The following EMC7 variants were observed in gnomAD, a reference collection of about 807,000 sequenced individuals.
EMC7 encodes the protein ER membrane protein complex subunit 7.
A neutral mutation model predicts 24.4 loss-of-function variants in EMC7; 4 were observed. That is an observed-to-expected ratio of 0.16 (90% CI 0.08 to 0.38). The LOEUF (loss-of-function observed/expected upper bound fraction) is 0.38. Among genes scored for constraint, EMC7 ranks in the 10% least tolerant of loss-of-function variants. The probability of loss-of-function intolerance (pLI) is 1.00; values close to 1 mark genes in which losing one functional copy is unlikely to be tolerated. For missense variants in EMC7, 221 were observed against 300.6 expected (o/e 0.74, Z 1.96); for synonymous variants, 106 against 112.0 (o/e 0.95, Z 0.34).
At chr15:34,096,873 G>A (rs146669898) in intron 1 of EMC7, among the ~76,000 whole-genome samples, 9 of 151,680 alleles carry the variant, frequency 5.9e-5, no homozygotes, top group African/African-American at 2.2e-4. Flanking sequence ...TGTAATCCCA[G>A]CTACTCGGGA....
chr15:34,087,124 C>A (rs932557549), intron 4 of EMC7, among the ~76,000 whole-genome samples: 2 of 152,180 alleles, frequency 1.3e-5, no homozygotes, highest in Non-Finnish European at 2.9e-5. Context: ...TTAACTGGGA[C>A]TGAGCCTACT....
At chr15:34,094,247 A>C (rs1901027175) in intron 2 of EMC7, among the ~76,000 whole-genome samples, 1 of 151,802 alleles carries the variant, frequency 6.6e-6, no homozygotes, top group African/African-American at 2.4e-5. Flanking sequence ...TCTACAAAAA[A>C]ATAAAAAAAT....
chr15:34,091,465 G>A (rs1900972678), intron 2 of EMC7, among the ~76,000 whole-genome samples: 1 of 152,156 alleles, frequency 6.6e-6, no homozygotes, highest in Admixed American at 6.5e-5. Context: ...CCAGGAATTT[G>A]GGAATTATAA....
At chr15:34,086,246 G>C in intron 4 of EMC7, 1 of 327,746 alleles carries the variant, frequency 3.1e-6, no homozygotes, top group South Asian at 3.0e-5. Flanking sequence ...GGTCTGACTG[G>C]TGCCAGATAA....
In EMC7 at chr15:34,090,395, T is replaced by C. The variant is rs1189326794; in HGVS notation, c.417A>G (p.Gln139=). ...AAGAAGGTGGACCTGAAGATTTCAT[T>C]TGGAGAGGATAGGGCAGTCTGACAA... ...SEVVRLPYPL[Q]MKSSGPPSYF... Residue 139 remains glutamine (Q), a synonymous_variant, in exon 3 of 5, where the codon CAA becomes CAG. Transcript: ENST00000256545. The C allele has an allele frequency of 6.2e-6, 10 of 1,613,976 alleles. No homozygotes were observed. Among genetic ancestry groups the C allele is most frequent in the East Asian group, 4.5e-5 (2 of 44,870 alleles).
intron 2 of EMC7, among the ~76,000 whole-genome samples, chr15:34,093,131 G>A (rs922542164): frequency 8.5e-5 from 13 of 152,060 alleles, no homozygotes; most frequent in Admixed American, 2.0e-4. Context: ...TTCGCACCAT[G>A]GTAAAGTCAA....
At chr15:34,093,823 A>ATTTTTTT (rs753095506) in intron 2 of EMC7, among the ~76,000 whole-genome samples, 37 of 48,690 alleles carry the variant, frequency 7.6e-4, no homozygotes, top group African/African-American at 3.2e-3. Context: ...ATATATATAT[A>ATTTTTTT]TTTTTTTTTT....
chr15:34,096,981 A>C (rs1159398507), intron 1 of EMC7, among the ~76,000 whole-genome samples: 3 of 151,350 alleles, frequency 2.0e-5, no homozygotes, highest in Non-Finnish European at 2.9e-5. Flanking sequence ...CCAACAAAAA[A>C]AAAAAAAGGC....
chr15:34,091,916 C>T (rs1200502750), intron 2 of EMC7, among the ~76,000 whole-genome samples: 1 of 152,202 alleles, frequency 6.6e-6, no homozygotes, highest in Non-Finnish European at 1.5e-5. Context: ...AATGTCAGAA[C>T]TGAAAATCCC....
chr15:34,101,608 G>A lies in EMC7; in HGVS notation c.232C>T (p.Leu78Phe), dbSNP rs759652763. 9.9e-6 allele frequency: 16 copies of A among 1,613,758 alleles called. No homozygotes were observed. Among genetic ancestry groups the A allele is most frequent in the East Asian group, 6.7e-5 (3 of 44,860 alleles). ...CGCTGCCCTCAGGATGCTCACTTAA[G>A]GAAACCGACGTGCTCTTCTCCGTCT... ...LVDGEEHVGF[L>F]KTDGSFVVHD... The change falls in exon 1 of 5, where the codon CTT (leucine) becomes TTT (phenylalanine). Residue 78 changes from leucine to phenylalanine, a missense_variant. By Grantham distance (22) the Leu-to-Phe change is conservative. Around this residue, in one of 2 missense-constraint regions of EMC7, gnomAD observed 156 missense variants for 177.1 expected, o/e 0.88. Coordinates refer to ENST00000256545, the MANE Select transcript of EMC7 (RefSeq NM_020154.3).
At chr15:34,092,614 G>A (rs900889637) in intron 2 of EMC7, among the ~76,000 whole-genome samples, 3 of 152,000 alleles carry the variant, frequency 2.0e-5, no homozygotes, top group African/African-American at 7.2e-5. Flanking sequence ...CCAAAGTGCT[G>A]GGATTACAGG....
intron 4 of EMC7, 79 bp downstream of exon 4, chr15:34,087,974 T>C: frequency 8.1e-7 from 1 of 1,237,248 alleles, no homozygotes; most frequent in Non-Finnish European, 1.1e-6. Flanking sequence ...AAACTGATTG[T>C]GCCACTGCAT....
intron 2 of EMC7, among the ~76,000 whole-genome samples, chr15:34,091,860 T>C (rs1383693483): frequency 1.3e-5 from 2 of 152,200 alleles, no homozygotes; most frequent in Non-Finnish European, 2.9e-5. Context: ...CATTTATTAA[T>C]AAAAGAAAAT....
At chr15:34,093,808 T>C (rs62014727) in intron 2 of EMC7, among the ~76,000 whole-genome samples, 2,444 of 6,120 alleles carry the variant, frequency 0.4, 151 homozygotes, top group African/African-American at 0.45. Flanking sequence ...CACACACACA[T>C]ATATATATAT....
chr15:34,087,512 T>C (rs75245134), intron 4 of EMC7, among the ~76,000 whole-genome samples: 1,974 of 152,320 alleles, frequency 0.013, 32 homozygotes, highest in Admixed American at 0.047. Flanking sequence ...AAACTGAGTA[T>C]GTACTCTGAA....
chr15:34,096,522 C>T (rs990162053), intron 1 of EMC7, among the ~76,000 whole-genome samples: 2 of 152,154 alleles, frequency 1.3e-5, no homozygotes, highest in East Asian at 1.9e-4. Flanking sequence ...AAGACCACTC[C>T]AGGGTAGCAG....
chr15:34,094,784 A>C (rs1901038403), intron 2 of EMC7, among the ~76,000 whole-genome samples: 1 of 152,194 alleles, frequency 6.6e-6, no homozygotes. Flanking sequence ...CTGCTTGTCT[A>C]TCAATAGGAG....
intron 2 of EMC7, 28 bp from the exon 3 acceptor site, chr15:34,090,483 A>C: frequency 2.5e-6 from 4 of 1,594,072 alleles, no homozygotes; most frequent in Non-Finnish European, 3.4e-6. Context: ...GGAAAGCAAC[A>C]GTAATTCCAT....
intron 3 of EMC7, among the ~76,000 whole-genome samples, chr15:34,088,468 CT>C (rs11423386): frequency 7.7e-4 from 109 of 141,962 alleles, no homozygotes; most frequent in East Asian, 4.3e-3. Flanking sequence ...TATCTATTCC[CT>C]TTTTTTTTTT....
Sources: allele counts gnomAD v4.1 joint callset (sites outside exome capture counted in the v4.1 genomes callset), GRCh38; gene constraint gnomAD v4.1.1; regional missense constraint gnomAD v4.1.1; transcripts MANE v1.5; gene names NCBI Gene and HGNC (gene_info 2026-07-23, HGNC 2026-07-21).